TENM4: variants seen among roughly 807,000 people sequenced by gnomAD.
TENM4 encodes teneurin transmembrane protein 4.
A neutral mutation model predicts 243.3 loss-of-function variants in TENM4; 82 were observed. The observed-to-expected ratio is 0.34, with a 90% CI of 0.28 to 0.40. The LOEUF is 0.40. TENM4 is among the 10% of genes least tolerant of loss of function. The pLI is 1.00. For synonymous variants in TENM4, 1,412 were observed against 1,456.3 expected (o/e 0.97, Z 0.69); for missense variants, 3,138 against 3,673.3 (o/e 0.85, Z 3.77).
intron 1 of TENM4, among the ~76,000 whole-genome samples, chr11:79,406,606 G>T (rs1858579442): frequency 6.6e-6 from 1 of 152,048 alleles, no homozygotes; most frequent in African/African-American, 2.4e-5. Flanking sequence ...GCAACCATTT[G>T]GTCCCAGTCC....
At chr11:78,975,857 G>A (rs1175102776) in intron 6 of TENM4, among the ~76,000 whole-genome samples, 2 of 152,118 alleles carry the variant, frequency 1.3e-5, no homozygotes, top group Non-Finnish European at 2.9e-5. Flanking sequence ...TATGTGTCCA[G>A]CACTGTGGAA....
At chr11:79,059,022 T>C (rs1326386463) in intron 6 of TENM4, among the ~76,000 whole-genome samples, 1 of 152,170 alleles carries the variant, frequency 6.6e-6, no homozygotes, top group Non-Finnish European at 1.5e-5. Context: ...TAAATGGAGT[T>C]AATTGGTAAT....
intron 15 of TENM4, among the ~76,000 whole-genome samples, chr11:78,803,264 C>G (rs1424113098): frequency 6.6e-6 from 1 of 152,066 alleles, no homozygotes; most frequent in Non-Finnish European, 1.5e-5. Context: ...TCCTTGACAT[C>G]ATGATCTACC....
chr11:78,669,283 A>G lies in TENM4; in HGVS notation c.7062T>C (p.Asp2354=), dbSNP rs17136977. ...TGTTGTCACAAGCTATGTAAAACTC[A>G]TCACCACTGCTCAGCTCCATGGCAA... ...HLFAMELSSG[D]EFYIACDNIG... Residue 2354 remains aspartate, a synonymous_variant, in exon 32 of 34, where the codon GAT becomes GAC. Coordinates refer to ENST00000278550, the MANE Select transcript of TENM4 (RefSeq NM_001098816.3). The surrounding 1 kb of genome is among the most constrained non-coding windows in gnomAD (Gnocchi z 6.4). 3,251 of 1,613,994 alleles carry G rather than the reference A, an allele frequency of 2.0e-3. 54 individuals carry two copies. In the African/African-American group the frequency reaches 0.034, roughly 17 times the overall value.
intron 1 of TENM4, among the ~76,000 whole-genome samples, chr11:79,396,564 A>C (rs188706987): frequency 1.2e-3 from 187 of 152,276 alleles, no homozygotes; most frequent in African/African-American, 4.2e-3. Flanking sequence ...ATACCTTTGC[A>C]GGGACCCCTT....
At chr11:79,216,128 A>T (rs770267404) in intron 2 of TENM4, among the ~76,000 whole-genome samples, 1 of 152,194 alleles carries the variant, frequency 6.6e-6, no homozygotes, top group African/African-American at 2.4e-5. Flanking sequence ...AGAGGCTCAA[A>T]TGTACCTTCT....
intron 14 of TENM4, among the ~76,000 whole-genome samples, chr11:78,806,605 C>G (rs624563): frequency 6.6e-6 from 1 of 152,144 alleles, no homozygotes; most frequent in South Asian, 2.1e-4. Context: ...ATGAGGAAAC[C>G]GAGGCTCTGA....
At chr11:79,153,329 A>G (rs968583362) in intron 3 of TENM4, among the ~76,000 whole-genome samples, 2 of 152,244 alleles carry the variant, frequency 1.3e-5, no homozygotes, top group African/African-American at 4.8e-5. Flanking sequence ...TGTCCAAAGC[A>G]GATCATTCTG....
intron 30 of TENM4, among the ~76,000 whole-genome samples, chr11:78,675,512 T>C (rs1858445427): frequency 1.3e-5 from 2 of 152,186 alleles, no homozygotes; most frequent in African/African-American, 4.8e-5. Flanking sequence ...ACTCAGGCCC[T>C]GGCAGAGGCT....
At chr11:79,111,274 C>G (rs7112392) in intron 4 of TENM4, among the ~76,000 whole-genome samples, 41,920 of 152,120 alleles carry the variant, frequency 0.28, 6,429 homozygotes, top group African/African-American at 0.42. Context: ...GGCCAGGCGC[C>G]GTGGCTCACA....
intron 6 of TENM4, among the ~76,000 whole-genome samples, chr11:78,922,351 G>A (rs1163876997): frequency 1.3e-5 from 2 of 152,176 alleles, no homozygotes; most frequent in East Asian, 1.9e-4. Flanking sequence ...TCTTTATGAT[G>A]ACAATTCTCT....
intron 2 of TENM4, among the ~76,000 whole-genome samples, chr11:79,264,104 G>A (rs370920699): frequency 1.3e-5 from 2 of 152,168 alleles, no homozygotes; most frequent in African/African-American, 2.4e-5. Context: ...AACTGCAAGC[G>A]CCGTTTTGCT....
At chr11:79,006,767 G>T (rs984280400) in intron 6 of TENM4, among the ~76,000 whole-genome samples, 1 of 152,204 alleles carries the variant, frequency 6.6e-6, no homozygotes, top group African/African-American at 2.4e-5. Flanking sequence ...ATAGAACATT[G>T]AATTTTCTTA....
At chr11:79,371,110 G>C (rs1415944888) in intron 1 of TENM4, among the ~76,000 whole-genome samples, 2 of 152,230 alleles carry the variant, frequency 1.3e-5, no homozygotes, top group African/African-American at 2.4e-5. Context: ...AGCTATGTGT[G>C]CACCCAGCAG....
chr11:78,766,077 G>C (rs1217714965), intron 18 of TENM4, among the ~76,000 whole-genome samples: 1 of 152,142 alleles, frequency 6.6e-6, no homozygotes, highest in African/African-American at 2.4e-5. Flanking sequence ...CAGGTGGAGA[G>C]AAGCAGGAGA....
rs928090137 is a variant in TENM4 at position 79,377,012 on chromosome 11, G to T, written c.-321+63497C>A. ...AAAATGAAGAGATTATCCTGGATTC[G>T]CTGGTTGGAGACTAAATGCTATCAC... On this transcript the variant is annotated intron_variant, in intron 1 of 33. Transcript: ENST00000278550. 2.0e-5 allele frequency among the ~76,000 whole-genome samples: 3 copies of T among 152,288 alleles called. No individual in the cohort carries two copies. In the East Asian group the frequency reaches 5.8e-4, roughly 29 times the overall value.
intron 4 of TENM4, among the ~76,000 whole-genome samples, chr11:79,118,035 G>T (rs1861657465): frequency 6.6e-6 from 1 of 152,238 alleles, no homozygotes; most frequent in Non-Finnish European, 1.5e-5. Context: ...CACTGTGCTA[G>T]TTGGATGCTT....
At chr11:78,995,078 C>T (rs951616527) in intron 6 of TENM4, among the ~76,000 whole-genome samples, 1 of 152,134 alleles carries the variant, frequency 6.6e-6, no homozygotes, top group African/African-American at 2.4e-5. Context: ...GGGAGATGGA[C>T]TTGGAAGTCT....
At chr11:78,919,746 A>G (rs1033286922) in intron 6 of TENM4, among the ~76,000 whole-genome samples, 1 of 152,064 alleles carries the variant, frequency 6.6e-6, no homozygotes, top group Non-Finnish European at 1.5e-5. Context: ...CCACCGTGAC[A>G]TTTTCCTTGC....
Sources: gnomAD v4.1 joint callset for allele counts (sites outside exome capture counted in the v4.1 genomes callset) on GRCh38, gnomAD v4.1.1 for gene constraint, Gnocchi (gnomAD v3.1) non-coding constraint, MANE v1.5 for transcripts, NCBI Gene and HGNC (gene_info 2026-07-23, HGNC 2026-07-21) for gene names.